Variants in CANX observed in about 807,000 individuals in gnomAD.
CANX encodes the protein epididymis secretory sperm binding protein.
A neutral mutation model predicts 75.7 loss-of-function variants in CANX; 14 were observed. The observed-to-expected ratio is 0.19, with a 90% confidence interval of 0.12 to 0.29. CANX has a LOEUF of 0.29. Ranked by LOEUF, CANX falls within the 10% of genes least tolerant of loss-of-function variation. CANX has a pLI of 1.00. For synonymous variants in CANX, 227 were observed against 236.9 expected (o/e 0.96, Z 0.38); for missense variants, 567 against 713.2 (o/e 0.79, Z 2.34).
At position 179,710,027 on chromosome 5, in the gene CANX, C is replaced by T. The variant is rs770921171; in HGVS notation, c.683C>T (p.Thr228Ile). 2 of 1,608,888 alleles carry T rather than the reference C, an allele frequency of 1.2e-6. No homozygotes were observed. The highest frequency in any genetic ancestry group is 1.7e-6 in the Non-Finnish European group (2 of 1,177,476). The change falls in exon 7 of 15, where the codon ACC becomes ATC. Residue 228 changes from threonine to isoleucine, a missense_variant. Around this residue, in one of 3 missense-constraint regions of CANX, gnomAD observed 351 missense variants for 433.8 expected, o/e 0.81. Coordinates refer to ENST00000247461, the MANE Select transcript of CANX (RefSeq NM_001746.4). ...AAGAGGCCAGATGCAGATCTGAAGA[C>T]CTATTTTACTGATAAGAAAACACAT... is the stretch of plus-strand genomic sequence containing the variant. ...HAKRPDADLK[T>I]YFTDKKTHLY...
intron 1 of CANX, chr5:179,679,209 G>GCTCTTGT (rs1775987020): frequency 6.5e-7 from 1 of 1,534,202 alleles, no homozygotes; most frequent in African/African-American, 1.4e-5. Context: ...CTCGTGCTGC[G>GCTCTTGT]CTCTTGTCTC....
At chr5:179,685,547 T>A (rs1381497759) in intron 1 of CANX, among the ~76,000 whole-genome samples, 2 of 103,690 alleles carry the variant, frequency 1.9e-5, no homozygotes, top group African/African-American at 5.1e-5. Context: ...CGCGCCCAGC[T>A]TTTTTTTTTT....
upstream of CANX, among the ~76,000 whole-genome samples, chr5:179,697,552 A>G (rs1776438680): frequency 6.6e-6 from 1 of 152,180 alleles, no homozygotes; most frequent in Non-Finnish European, 1.5e-5. Flanking sequence ...CCAGAATTTT[A>G]TTCTGCTTTG....
chr5:179,710,427 G>T (rs1175468942), intron 7 of CANX, among the ~76,000 whole-genome samples: 3 of 148,604 alleles, frequency 2.0e-5, no homozygotes, highest in Admixed American at 6.8e-5. Context: ...AAAAAAAAAG[G>T]CTGGGCGCGG....
At chr5:179,719,529 T>C in intron 8 of CANX, 139 bp from the exon 9 acceptor site, 1 of 514,116 alleles carries the variant, frequency 1.9e-6, no homozygotes, top group South Asian at 3.4e-5. Flanking sequence ...ATATATGATT[T>C]ACAAGTATTT....
At chr5:179,722,686 T>A in intron 10 of CANX, 118 bp from the exon 11 acceptor site, 1 of 643,792 alleles carries the variant, frequency 1.6e-6, no homozygotes, top group Non-Finnish European at 2.7e-6. Flanking sequence ...TTATTTCAAG[T>A]TTCATGAAGT....
chr5:179,725,805 C>T (rs1231896900), intron 13 of CANX, among the ~76,000 whole-genome samples: 1 of 145,804 alleles, frequency 6.9e-6, no homozygotes, highest in East Asian at 2.0e-4. Context: ...CTGGCCAACA[C>T]AGTGAAGCCC....
intron 1 of CANX, among the ~76,000 whole-genome samples, chr5:179,691,119 AG>A (rs1442158287): frequency 1.4e-4 from 22 of 151,766 alleles, no homozygotes; most frequent in African/African-American, 4.1e-4. Context: ...TCTGCCTCCC[AG>A]GTTCAAGCAA....
intron 4 of CANX, among the ~76,000 whole-genome samples, chr5:179,707,915 C>G (rs929897171): frequency 6.6e-6 from 1 of 152,154 alleles, no homozygotes; most frequent in Non-Finnish European, 1.5e-5. Flanking sequence ...TGGCTCACCG[C>G]AACCTCTGTT....
At position 179,707,147 on chromosome 5, in the gene CANX, A is replaced by G. The variant is rs997403805; in HGVS notation, c.261A>G (p.Lys87=). 6.2e-7 allele frequency: 1 copy of G among 1,600,432 alleles called. No individual in the cohort carries two copies. The highest frequency in any genetic ancestry group is 1.7e-5 in the Admixed American group (1 of 59,994). The part of the protein sequence containing the change: ...RGTLSGWILS[K]AKKDDTDDEI... ...TTATTTACAGGTGGATTTTATCCAAAGCCAAGAAAGACGATACCGATGATG... is the reference window on the plus strand; with the variant it reads ...TTATTTACAGGTGGATTTTATCCAAGGCCAAGAAAGACGATACCGATGATG... The change falls in exon 4 of 15, where the codon AAA becomes AAG. Residue 87 remains lysine, a synonymous_variant. Coordinates refer to ENST00000247461, the MANE Select transcript of CANX (RefSeq NM_001746.4).
rs1171734592 is a variant in CANX, at chr5:179,729,788, C to CT, written c.*1145dup. On this transcript the variant is annotated 3_prime_UTR_variant, in exon 15 of 15. Coordinates refer to ENST00000247461, the MANE Select transcript of CANX (RefSeq NM_001746.4). Reference sequence around the variant, plus strand: ...TACTCTGTGTAAAGACTTGAGAAGTCTAATTCACAGGCAAACCAATACAGA... The same window carrying CT: ...TACTCTGTGTAAAGACTTGAGAAGTCTTAATTCACAGGCAAACCAATACAGA... The CT allele has an allele frequency of 2.0e-4, 31 of 152,744 alleles. No individual in the cohort carries two copies. The highest frequency in any genetic ancestry group is 7.2e-4 in the African/African-American group (30 of 41,570). 9.5% of individuals were successfully genotyped at this position (152,744 alleles called of 1,614,324 possible).
intron 1 of CANX, among the ~76,000 whole-genome samples, chr5:179,689,666 A>G (rs1459085996): frequency 1.3e-5 from 2 of 152,160 alleles, no homozygotes; most frequent in East Asian, 3.9e-4. Context: ...TTGGGATTAC[A>G]GGCGTGAGCC....
intron 8 of CANX, among the ~76,000 whole-genome samples, chr5:179,718,263 G>C (rs971785449): frequency 6.6e-6 from 1 of 152,008 alleles, no homozygotes; most frequent in Non-Finnish European, 1.5e-5. Context: ...TGCAACCTCT[G>C]CCTCCCGGGT....
In CANX at chr5:179,716,234, C is replaced by T. The variant is rs1777944424; in HGVS notation, c.851C>T (p.Pro284Leu). ...ATTGAGGACCCAGAAGACCGGAAGCCCGAGGATTGGGATGAAAGACCAAAA... is the reference window on the plus strand; with the variant it reads ...ATTGAGGACCCAGAAGACCGGAAGCTCGAGGATTGGGATGAAAGACCAAAA... ...REIEDPEDRK[P>L]EDWDERPKIP... Residue 284 changes from proline (P) to leucine (L), a missense_variant, in exon 8 of 15, where the codon CCC becomes CTC. Physicochemically the swap from Pro to Leu is moderately conservative, Grantham distance 98. Coordinates refer to ENST00000247461, the MANE Select transcript of CANX (RefSeq NM_001746.4). The T allele has an allele frequency of 6.2e-7, 1 of 1,614,116 alleles. No individual in the cohort carries two copies. The highest frequency in any genetic ancestry group is 1.1e-5 in the South Asian group (1 of 91,076).
intron 1 of CANX, among the ~76,000 whole-genome samples, chr5:179,703,467 A>G (rs560841657): frequency 7.9e-5 from 12 of 151,768 alleles, no homozygotes; most frequent in South Asian, 4.2e-4. Flanking sequence ...CAGCCTCCCA[A>G]CGTGCTAGGA....
chr5:179,700,918 A>T (rs56807514), intron 1 of CANX: 1 of 149,392 alleles, frequency 6.7e-6, no homozygotes, highest in African/African-American at 2.5e-5. Flanking sequence ...GCTGGAGTGC[A>T]GTGGCGCGAT....
chr5:179,707,249 A>G (rs1777195640), intron 4 of CANX, 59 bp downstream of exon 4: 2 of 948,966 alleles, frequency 2.1e-6, no homozygotes, highest in Admixed American at 3.4e-5. Flanking sequence ...TGTTGTCTCC[A>G]TGGCATTTCC....
intron 6 of CANX, chr5:179,709,621 C>CT (rs1430496477): frequency 1.8e-5 from 5 of 279,760 alleles, no homozygotes; most frequent in Non-Finnish European, 3.3e-5. Context: ...AAGCTTATTT[C>CT]TTTGTTTTAT....
At chr5:179,727,503 T>G (rs1261391617) in intron 14 of CANX, among the ~76,000 whole-genome samples, 1 of 152,078 alleles carries the variant, frequency 6.6e-6, no homozygotes, top group African/African-American at 2.4e-5. Context: ...TATTGAGGCC[T>G]AAAGTGGTTG....
Sources: allele counts gnomAD v4.1 joint callset (sites outside exome capture counted in the v4.1 genomes callset), GRCh38; gene constraint gnomAD v4.1.1; regional missense constraint gnomAD v4.1.1; transcripts MANE v1.5; gene names NCBI Gene and HGNC (gene_info 2026-07-23, HGNC 2026-07-21).